NLRC3: variants seen among roughly 807,000 people sequenced by gnomAD.
NLRC3 encodes NLR family CARD domain containing 3.
In NLRC3, 87 loss-of-function variants were observed where a neutral mutation model predicts 91.6. The ratio of observed to expected loss-of-function variants is 0.95; its 90% CI spans 0.80 to 1.14. NLRC3 has a LOEUF of 1.14. NLRC3 is among the 50% of genes most tolerant of loss of function. NLRC3 has a pLI of 0.00. For synonymous variants in NLRC3, 694 were observed against 625.3 expected, an observed-to-expected ratio of 1.11 and a Z score of -1.64; for missense variants, 1,577 against 1,418.6, an observed-to-expected ratio of 1.11 and a Z score of -1.79.
At chr16:3,569,882 G>A (rs1222204573) in intron 1 of NLRC3, among the ~76,000 whole-genome samples, 3 of 152,166 alleles carry the variant, frequency 2.0e-5, no homozygotes, top group Non-Finnish European at 4.4e-5. Context: ...GATAGAGAAA[G>A]ATTTATTTTG....
At chr16:3,569,595 A>G (rs1443999005) in intron 1 of NLRC3, among the ~76,000 whole-genome samples, 2 of 151,308 alleles carry the variant, frequency 1.3e-5, no homozygotes, top group South Asian at 4.2e-4. Flanking sequence ...ATGGGGTTTC[A>G]CCATGTTGAC....
chr16:3,570,157 G>T (rs1204477506), intron 1 of NLRC3, among the ~76,000 whole-genome samples: 1 of 151,468 alleles, frequency 6.6e-6, no homozygotes, highest in African/African-American at 2.4e-5. Flanking sequence ...GCCTCTTAAG[G>T]TAGTTTACAC....
intron 11 of NLRC3, 78 bp downstream of exon 11, chr16:3,550,336 C>T: frequency 1.1e-6 from 1 of 944,280 alleles, no homozygotes; most frequent in Non-Finnish European, 1.7e-6. Context: ...GGGGGACAGC[C>T]ATTTTTCAGG....
At chr16:3,561,825 C>CT in intron 5 of NLRC3, 37 bp from the exon 6 acceptor site, 1 of 1,519,286 alleles carries the variant, frequency 6.6e-7, no homozygotes, top group Non-Finnish European at 9.1e-7. Flanking sequence ...GTGTCCCACC[C>CT]GCCCACGGGC....
intron 18 of NLRC3, 101 bp downstream of exon 18, chr16:3,542,591 A>G: frequency 5.6e-6 from 4 of 714,974 alleles, no homozygotes; most frequent in Non-Finnish European, 9.8e-6. Context: ...TTCAGAAGGA[A>G]ATAGCTACAG....
chr16:3,554,249 TG>T lies in NLRC3; in HGVS notation c.2259del (p.Met754CysfsTer21). The T allele has an allele frequency of 6.2e-7, 1 of 1,611,456 alleles. No individual in the cohort carries two copies. The highest frequency in any genetic ancestry group is 8.5e-7 in the Non-Finnish European group (1 of 1,177,626). On this transcript the variant is annotated frameshift_variant, in exon 9 of 20. Coordinates refer to ENST00000359128, the MANE Select transcript of NLRC3 (RefSeq NM_178844.4). LOFTEE classifies it high-confidence loss of function. Reference protein sequence around the residue: ...AEALASNRTLSMLHLQKNSIG... With the variant: ...AEALASNRTLXMLHLQKNSIG... The stretch of plus-strand genomic sequence containing the variant: ...GGAGATGTGTTCACTCACTGCAGCA[TG>T]GAGAGGGTCCGGTTGGAGGCCAAGG...
intron 12 of NLRC3, 93 bp from the exon 13 acceptor site, chr16:3,549,318 A>C: frequency 2.2e-6 from 2 of 908,158 alleles, no homozygotes; most frequent in East Asian, 2.6e-5. Context: ...GAAGCCCAAG[A>C]AACTGCAGGC....
chr16:3,559,644 T>G (rs1279161198), intron 6 of NLRC3, among the ~76,000 whole-genome samples: 1 of 109,260 alleles, frequency 9.2e-6, no homozygotes. Flanking sequence ...TTTTTTTTTC[T>G]TTTTTTTTTT....
At chr16:3,547,648 G>A (rs2038765852) in intron 15 of NLRC3, among the ~76,000 whole-genome samples, 1 of 152,010 alleles carries the variant, frequency 6.6e-6, no homozygotes, top group South Asian at 2.1e-4. Context: ...ATATGTGTGT[G>A]TGTGTATGTA....
intron 2 of NLRC3, among the ~76,000 whole-genome samples, 169 bp downstream of exon 2, chr16:3,567,074 C>T (rs995774491): frequency 2.0e-5 from 3 of 152,178 alleles, no homozygotes; most frequent in African/African-American, 4.8e-5. Context: ...GCCCTCTGCT[C>T]GTGGGGATTG....
In NLRC3 at chr16:3,561,826, G is replaced by A. The variant is rs972025470; in HGVS notation, c.1929-38C>T. ...AGCAGTGACAGTGAGTGTCCCACCCGCCCACGGGCAGGGTGGGGGCCCTGG... is the reference window on the plus strand; with the variant it reads ...AGCAGTGACAGTGAGTGTCCCACCCACCCACGGGCAGGGTGGGGGCCCTGG... On this transcript the variant is annotated intron_variant, in intron 5 of 19. Transcript: ENST00000359128. 20 of 1,501,492 alleles carry A rather than the reference G, an allele frequency of 1.3e-5. No homozygotes were observed. The East Asian group carries it at 1.4e-4, about 10-fold the overall frequency. The allele number at this position is 1,501,492 out of a possible 1,614,324, so 93.0% of individuals were successfully genotyped here. A position where few individuals can be genotyped will look rare whatever the true frequency, so the allele number is the denominator to read the frequency against.
rs373831880 is a variant in NLRC3, at chr16:3,564,089, A to C, written c.848T>G (p.Met283Arg). The C allele has an allele frequency of 6.2e-7, 1 of 1,613,568 alleles. No homozygotes were observed. The highest frequency in any genetic ancestry group is 8.5e-7 in the Non-Finnish European group (1 of 1,179,894). Residue 283 changes from methionine to arginine, a missense_variant, in exon 5 of 20, where the codon ATG (methionine) becomes AGG (arginine). Met to Arg is a moderately conservative substitution (Grantham distance 91). Coordinates refer to ENST00000359128, the MANE Select transcript of NLRC3 (RefSeq NM_178844.4). This position sits in a 1 kb window ranked among gnomAD's most constrained non-coding sequence, Gnocchi z 5.9. ...CTCGTTAAAGCCCCGGATCTCCGTC[A>C]TCCGGTCCACCAGGCCCCCTGGGAT... ...GQIPGGLVDRMTEIRGFNEEE... is the reference protein window; with the variant it reads ...GQIPGGLVDRRTEIRGFNEEE...
chr16:3,542,717 C>T lies in NLRC3; in HGVS notation c.2998G>A (p.Val1000Ile), dbSNP rs2151079309. ...TTGAGTCTCCGGAGACTTGAGTTTA[C>T]CTTCAGAGCATTTGCCAGGGCTTTG... ...GAKALANALK[V>I]NSSLRRLNLQ... The change falls in exon 18 of 20, where the codon GTA becomes ATA. Residue 1000 changes from valine (V) to isoleucine (I), a missense_variant. Coordinates refer to ENST00000359128, the MANE Select transcript of NLRC3 (RefSeq NM_178844.4). 1.2e-6 allele frequency: 2 copies of T among 1,610,440 alleles called. No individual in the cohort carries two copies. Among genetic ancestry groups the T allele is most frequent in the East Asian group, 4.5e-5 (2 of 44,842 alleles).
intron 1 of NLRC3, among the ~76,000 whole-genome samples, chr16:3,576,504 C>A (rs993774050): frequency 3.3e-5 from 5 of 152,208 alleles, no homozygotes; most frequent in African/African-American, 1.2e-4. Context: ...TCTGCCGATT[C>A]CCCAGGCCGT....
chr16:3,546,235 A>T (rs114702221), intron 15 of NLRC3, among the ~76,000 whole-genome samples: 1,737 of 151,910 alleles, frequency 0.011, 39 homozygotes, highest in African/African-American at 0.04. Flanking sequence ...CCATCTCTTT[A>T]AAAAAAATTG....
intron 6 of NLRC3, among the ~76,000 whole-genome samples, chr16:3,561,192 A>G (rs1405681881): frequency 6.6e-6 from 1 of 151,942 alleles, no homozygotes; most frequent in Non-Finnish European, 1.5e-5. Context: ...TCTACTAAAA[A>G]TACAAAAATT....
chr16:3,549,559 A>G (rs2038886227), intron 12 of NLRC3, 138 bp downstream of exon 12: 3 of 706,782 alleles, frequency 4.2e-6, no homozygotes, highest in South Asian at 3.5e-5. Flanking sequence ...ACCCCAAGAG[A>G]GCAGGAAAAG....
At chr16:3,569,406 T>TA (rs919877732) in intron 1 of NLRC3, among the ~76,000 whole-genome samples, 17 of 107,340 alleles carry the variant, frequency 1.6e-4, no homozygotes, top group Admixed American at 2.6e-4. Flanking sequence ...TATTTTTTTT[T>TA]TTTTTTTTTT....
chr16:3,560,186 G>A (rs758294400), intron 6 of NLRC3, among the ~76,000 whole-genome samples: 3 of 151,904 alleles, frequency 2.0e-5, no homozygotes, highest in Admixed American at 6.6e-5. Flanking sequence ...AGGCTGAGGC[G>A]GATGGATCAC....
Sources: allele counts gnomAD v4.1 joint callset (sites outside exome capture counted in the v4.1 genomes callset), GRCh38; gene constraint gnomAD v4.1.1; non-coding constraint Gnocchi (gnomAD v3.1); transcripts MANE v1.5; gene names NCBI Gene and HGNC (gene_info 2026-07-23, HGNC 2026-07-21).